The following GPR39 variants were observed in gnomAD, a reference collection of about 807,000 sequenced individuals.
The protein encoded by GPR39 is zinc sensing receptor.
Under a neutral mutation model 18.4 loss-of-function variants are expected in GPR39, and 23 were observed. The observed-to-expected ratio is 1.25, with a 90% confidence interval of 0.90 to 1.77. The LOEUF (loss-of-function observed/expected upper bound fraction) is 1.77, where lower values mean the gene tolerates loss of function less well. GPR39 is among the 40% of genes most tolerant of loss of function. The pLI, the probability that GPR39 is intolerant of heterozygous loss-of-function variation, is 0.00. For missense variants in GPR39, 647 were observed against 602.4 expected (o/e 1.07, Z -0.78); for synonymous variants, 280 against 257.9 (o/e 1.09, Z -0.82).
At chr2:132,538,083 C>T (rs1293251475) in intron 1 of GPR39, among the ~76,000 whole-genome samples, 1 of 152,058 alleles carries the variant, frequency 6.6e-6, no homozygotes, top group Non-Finnish European at 1.5e-5. Flanking sequence ...AGTTCTGTGC[C>T]CTTGCTGGAG....
chr2:132,511,732 G>A (rs554174860), intron 1 of GPR39, among the ~76,000 whole-genome samples: 14 of 152,198 alleles, frequency 9.2e-5, no homozygotes, highest in Non-Finnish European at 1.9e-4. Context: ...TGTACTACGT[G>A]CCAGGCATTA....
intron 1 of GPR39, chr2:132,433,903 G>A (rs985902935): frequency 2.0e-5 from 3 of 151,542 alleles, no homozygotes; most frequent in Non-Finnish European, 4.4e-5. Context: ...AAGAAAAAGC[G>A]AAGTCATTAT....
intron 1 of GPR39, among the ~76,000 whole-genome samples, chr2:132,454,784 T>C (rs1680689869): frequency 6.6e-6 from 1 of 152,226 alleles, no homozygotes; most frequent in South Asian, 2.1e-4. Flanking sequence ...GGATTATGTT[T>C]ATTGATTTGC....
At chr2:132,546,185 C>T (rs1371343073) in intron 1 of GPR39, among the ~76,000 whole-genome samples, 3 of 152,196 alleles carry the variant, frequency 2.0e-5, no homozygotes, top group African/African-American at 4.8e-5. Context: ...GAGTGTGCCT[C>T]AGAATCACTC....
intron 1 of GPR39, among the ~76,000 whole-genome samples, chr2:132,580,940 A>G (rs1010061021): frequency 2.0e-5 from 3 of 150,016 alleles, no homozygotes; most frequent in Admixed American, 6.6e-5. Context: ...CCATTCTGGC[A>G]ACAGAGTGGG....
intron 1 of GPR39, among the ~76,000 whole-genome samples, chr2:132,508,519 T>C (rs562398961): frequency 6.6e-6 from 1 of 151,298 alleles, no homozygotes; most frequent in South Asian, 2.1e-4. Flanking sequence ...AACAAGAGGG[T>C]GCAGATTTGC....
intron 1 of GPR39, among the ~76,000 whole-genome samples, chr2:132,429,666 A>G (rs1234906946): frequency 6.6e-6 from 1 of 152,252 alleles, no homozygotes; most frequent in African/African-American, 2.4e-5. Flanking sequence ...GAGCCTTTAG[A>G]GAGAGCAAAG....
At chr2:132,537,668 T>C (rs1414487246) in intron 1 of GPR39, among the ~76,000 whole-genome samples, 2 of 152,126 alleles carry the variant, frequency 1.3e-5, no homozygotes. Flanking sequence ...TCTCCATCTT[T>C]TTCAGGTACA....
At chr2:132,622,995 C>T (rs922074016) in intron 1 of GPR39, among the ~76,000 whole-genome samples, 1 of 152,080 alleles carries the variant, frequency 6.6e-6, no homozygotes, top group Non-Finnish European at 1.5e-5. Context: ...GCCTGTAATC[C>T]CAGCTACTCA....
intron 1 of GPR39, among the ~76,000 whole-genome samples, chr2:132,431,810 A>C (rs1050870144): frequency 6.6e-6 from 1 of 152,220 alleles, no homozygotes; most frequent in Non-Finnish European, 1.5e-5. Flanking sequence ...GGAGTATATT[A>C]GTTTCCTGTG....
At chr2:132,514,506 T>A (rs1679296498) in intron 1 of GPR39, among the ~76,000 whole-genome samples, 1 of 152,208 alleles carries the variant, frequency 6.6e-6, no homozygotes, top group African/African-American at 2.4e-5. Context: ...GAGGTGTGGC[T>A]CCCAGATCAT....
Position 132,451,154 on chromosome 2 carries a change from TG to T in GPR39, c.856+33257del, listed in dbSNP as rs1293323339. ...CCATTGCTATCTTTGAGGCTGTGTGTGTGTGTGTGTGTGTGTGTGTGCACGC... is the reference window on the plus strand; with the variant it reads ...CCATTGCTATCTTTGAGGCTGTGTGTTGTGTGTGTGTGTGTGTGTGCACGC... On this transcript the variant is annotated intron_variant, in intron 1 of 1. Coordinates refer to ENST00000329321, the MANE Select transcript of GPR39 (RefSeq NM_001508.3). Among the ~76,000 whole-genome samples, 122 of 126,868 alleles carry T rather than the reference TG, an allele frequency of 9.6e-4. 2 individuals are homozygous for T. The East Asian group carries it at 0.021, about 22-fold the overall frequency. 83.2% of individuals were successfully genotyped at this position (126,868 alleles called of 152,430 possible). A position where few individuals can be genotyped will look rare whatever the true frequency, so the allele number is the denominator to read the frequency against.
At chr2:132,448,485 C>T (rs1680577435) in intron 1 of GPR39, among the ~76,000 whole-genome samples, 1 of 152,200 alleles carries the variant, frequency 6.6e-6, no homozygotes, top group African/African-American at 2.4e-5. Flanking sequence ...GGTCAGTCGT[C>T]AGGTTACTGG....
chr2:132,451,174 T>TGTGTGTGC (rs3219552), intron 1 of GPR39, among the ~76,000 whole-genome samples: 5,345 of 150,290 alleles, frequency 0.036, 130 homozygotes, highest in Non-Finnish European at 0.051. Flanking sequence ...TGTGTGTGTG[T>TGTGTGTGC]GCACGCGCGT....
intron 1 of GPR39, among the ~76,000 whole-genome samples, chr2:132,506,383 G>T (rs1006539221): frequency 6.6e-6 from 1 of 151,930 alleles, no homozygotes; most frequent in Non-Finnish European, 1.5e-5. Context: ...TTCCTTTGCT[G>T]TGCAGGACCT....
At chr2:132,633,991 A>AGGT in intron 1 of GPR39, among the ~76,000 whole-genome samples, 2 of 145,736 alleles carry the variant, frequency 1.4e-5, no homozygotes, top group African/African-American at 5.1e-5. Context: ...GTAGAGGTGG[A>AGGT]GATGATGATG....
At chr2:132,595,641 C>G (rs1437077799) in intron 1 of GPR39, among the ~76,000 whole-genome samples, 1 of 152,074 alleles carries the variant, frequency 6.6e-6, no homozygotes, top group East Asian at 1.9e-4. Context: ...TGGAATAATT[C>G]TGTGTTGGGG....
chr2:132,642,678 T>C (rs1681876999), intron 1 of GPR39, among the ~76,000 whole-genome samples: 1 of 152,240 alleles, frequency 6.6e-6, no homozygotes, highest in South Asian at 2.1e-4. Flanking sequence ...GTCTGTTGGC[T>C]TTAAAAGCTG....
At chr2:132,462,836 A>G (rs952222430) in intron 1 of GPR39, among the ~76,000 whole-genome samples, 3 of 152,232 alleles carry the variant, frequency 2.0e-5, no homozygotes, top group African/African-American at 7.2e-5. Context: ...TGTGAGAACT[A>G]AATAATACAG....
Sources: allele counts gnomAD v4.1 joint callset (sites outside exome capture counted in the v4.1 genomes callset), GRCh38; gene constraint gnomAD v4.1.1; transcripts MANE v1.5; gene names NCBI Gene and HGNC (gene_info 2026-07-23, HGNC 2026-07-21).